The following NDUFAF6 variants were observed in gnomAD, a reference collection of about 807,000 sequenced individuals.
NDUFAF6 encodes the protein NADH:ubiquinone oxidoreductase complex assembly factor 6, also known as NADH dehydrogenase (ubiquinone) complex I, assembly factor 6.
NDUFAF6 carries 45 observed loss-of-function variants against 40.8 expected under a neutral mutation model. The ratio of observed to expected loss-of-function variants is 1.10; its 90% CI spans 0.87 to 1.42. NDUFAF6 has a LOEUF of 1.42. NDUFAF6 is among the 40% of genes most tolerant of loss of function. The pLI is 0.00. For missense variants in NDUFAF6, 435 were observed against 418.5 expected, an observed-to-expected ratio of 1.04 and a Z score of -0.34; for synonymous variants, 185 against 155.9, an observed-to-expected ratio of 1.19 and a Z score of -1.39.
At chr8:94,918,316 C>T (rs1563707993) in intron 1 of NDUFAF6, among the ~76,000 whole-genome samples, 3 of 152,134 alleles carry the variant, frequency 2.0e-5, no homozygotes. Context: ...CTGCACTTCC[C>T]AGGGTTTCCA....
chr8:95,039,175 C>T (rs1462224079), intron 3 of NDUFAF6, among the ~76,000 whole-genome samples: 2 of 151,280 alleles, frequency 1.3e-5, no homozygotes, highest in African/African-American at 4.9e-5. Flanking sequence ...GGTTTCGTGG[C>T]CAGGCACGTT....
intron 1 of NDUFAF6, among the ~76,000 whole-genome samples, chr8:95,100,884 C>T (rs1809628151): frequency 6.6e-6 from 1 of 152,294 alleles, no homozygotes; most frequent in Admixed American, 6.5e-5. Flanking sequence ...TTGCTCTCTT[C>T]CCTCCCGACC....
intron 2 of NDUFAF6, among the ~76,000 whole-genome samples, chr8:94,952,748 C>A (rs1822728804): frequency 6.6e-6 from 1 of 152,200 alleles, no homozygotes; most frequent in Admixed American, 6.5e-5. Context: ...GACCCTGCAA[C>A]CTTTGTGACT....
At chr8:94,956,896 C>T (rs146330789), upstream of NDUFAF6, among the ~76,000 whole-genome samples, 155 of 152,226 alleles carry the variant, frequency 1.0e-3, no homozygotes, top group East Asian at 0.022. Flanking sequence ...GGGGGCCAGG[C>T]GCAGTGGCTC....
At chr8:94,942,197 C>G (rs1057470896) in intron 1 of NDUFAF6, among the ~76,000 whole-genome samples, 1 of 152,018 alleles carries the variant, frequency 6.6e-6, no homozygotes, top group African/African-American at 2.4e-5. Context: ...CCACCACATC[C>G]GGCTAATTTC....
At chr8:94,977,233 C>T (rs1401014898) in intron 1 of NDUFAF6, among the ~76,000 whole-genome samples, 2 of 151,782 alleles carry the variant, frequency 1.3e-5, no homozygotes, top group Non-Finnish European at 2.9e-5. Context: ...TGATATGGGC[C>T]GGGTGCAGTG....
At chr8:94,940,879 T>C in intron 1 of NDUFAF6, 1 of 1,613,948 alleles carries the variant, frequency 6.2e-7, no homozygotes, top group Non-Finnish European at 8.5e-7. Context: ...CATTGAATTC[T>C]GGTTCTTGGT....
intron 2 of NDUFAF6, among the ~76,000 whole-genome samples, chr8:94,999,719 T>C (rs1826630504): frequency 6.6e-6 from 1 of 151,058 alleles, no homozygotes; most frequent in Admixed American, 6.6e-5. Flanking sequence ...ACCGGGCCCA[T>C]TCTATTTATT....
intron 8 of NDUFAF6, among the ~76,000 whole-genome samples, chr8:95,053,197 AAGT>A (rs374718975): frequency 7.2e-4 from 110 of 152,326 alleles, no homozygotes; most frequent in African/African-American, 2.6e-3. Context: ...CTAATTATAA[AAGT>A]AGTACATTAA....
intron 8 of NDUFAF6, among the ~76,000 whole-genome samples, chr8:95,052,468 G>GA (rs1831549981): frequency 6.6e-6 from 1 of 152,134 alleles, no homozygotes; most frequent in Non-Finnish European, 1.5e-5. Flanking sequence ...GCATTGGCTT[G>GA]AATCTGTTTT....
At chr8:94,983,768 G>A (rs1169345335) in intron 2 of NDUFAF6, among the ~76,000 whole-genome samples, 1 of 152,180 alleles carries the variant, frequency 6.6e-6, no homozygotes, top group Non-Finnish European at 1.5e-5. Context: ...CCGAGGTGGT[G>A]TGCATCCAGA....
intron 1 of NDUFAF6, among the ~76,000 whole-genome samples, chr8:94,913,969 T>C (rs577598351): frequency 3.3e-5 from 5 of 152,172 alleles, no homozygotes; most frequent in Non-Finnish European, 5.9e-5. Flanking sequence ...TTTTTGTATT[T>C]TTAATAGAGA....
intron 1 of NDUFAF6, chr8:94,940,845 G>A (rs1247879910): frequency 1.2e-6 from 2 of 1,612,958 alleles, no homozygotes; most frequent in Middle Eastern, 1.7e-4. Context: ...AAGTCAACAA[G>A]AATCCATTCA....
Position 95,088,689 on chromosome 8 carries a change from TTGTG to T in NDUFAF6, n.214-12407_214-12404del, listed in dbSNP as rs545260109. Among the ~76,000 whole-genome samples the T allele has an allele frequency of 6.5e-3, 930 of 142,374 alleles. 7 individuals carry two copies. The highest frequency in any genetic ancestry group is 0.019 in the African/African-American group (685 of 36,898). 93.4% of individuals were successfully genotyped at this position (142,374 alleles called of 152,430 possible). The stretch of plus-strand genomic sequence containing the variant: ...TCAGCCAAGTCACTTTTTTGGGGTT[TTGTG>T]TGTGTGTGTGTGTGTGTGTGTGTGT... On this transcript the variant is annotated intron_variant and non_coding_transcript_variant, in intron 2 of 5. Coordinates refer to the NDUFAF6 transcript ENST00000523184.
At chr8:95,114,548 ATTAG>A (rs911771777) in intron 4 of NDUFAF6, among the ~76,000 whole-genome samples, 1 of 152,180 alleles carries the variant, frequency 6.6e-6, no homozygotes, top group Admixed American at 6.5e-5. Flanking sequence ...ATTCTATTCC[ATTAG>A]TTAGTTGTTG....
At chr8:94,968,750 A>C (rs1824219134) in intron 1 of NDUFAF6, among the ~76,000 whole-genome samples, 2 of 152,224 alleles carry the variant, frequency 1.3e-5, no homozygotes, top group South Asian at 4.1e-4. Flanking sequence ...CAAGGGCGAG[A>C]GTAAAAGCAG....
intron 1 of NDUFAF6, among the ~76,000 whole-genome samples, chr8:94,915,475 G>A (rs570022511): frequency 4.6e-5 from 7 of 152,230 alleles, no homozygotes; most frequent in Middle Eastern, 3.4e-3. Flanking sequence ...CACTTTTGAC[G>A]GTCATCTAGA....
Position 94,916,852 on chromosome 8 carries a change from C to T in NDUFAF6, c.-936+20925C>T, listed in dbSNP as rs1413403143. Reference sequence around the variant, plus strand: ...AAAAAAGGCCGGGCGCGGTGGCTCACACCTGTAATCCCAGCACTTTGGGAG... The same window carrying T: ...AAAAAAGGCCGGGCGCGGTGGCTCATACCTGTAATCCCAGCACTTTGGGAG... On this transcript the variant is annotated intron_variant, in intron 1 of 14. Coordinates refer to the NDUFAF6 transcript ENST00000396113. Among the ~76,000 whole-genome samples, 4 of 137,760 alleles carry T rather than the reference C, an allele frequency of 2.9e-5. No homozygotes were observed. The East Asian group carries it at 9.1e-4, about 31-fold the overall frequency. The allele number at this position is 137,760 out of a possible 152,430, so 90.4% of individuals were successfully genotyped here.
chr8:94,900,990 G>A (rs541189675), intron 1 of NDUFAF6, among the ~76,000 whole-genome samples: 11 of 152,258 alleles, frequency 7.2e-5, no homozygotes, highest in Non-Finnish European at 1.3e-4. Context: ...TAATAAATGT[G>A]TCAGATAGTA....
Sources: allele counts gnomAD v4.1 joint callset (sites outside exome capture counted in the v4.1 genomes callset), GRCh38; gene constraint gnomAD v4.1.1; transcripts MANE v1.5; gene names NCBI Gene and HGNC (gene_info 2026-07-23, HGNC 2026-07-21).